The following PIDD1 variants were observed in gnomAD, a reference collection of about 807,000 sequenced individuals.
The protein encoded by PIDD1 is p53-induced death domain protein 1, also known as p53-induced death domain-containing protein 1.
A neutral mutation model predicts 80.0 loss-of-function variants in PIDD1; 72 were observed. That is an observed-to-expected ratio of 0.90 (90% CI 0.74 to 1.09). The LOEUF is 1.09. Among genes scored for constraint, PIDD1 ranks in the 50% least tolerant of loss-of-function variants. The pLI is 0.00. For synonymous variants in PIDD1, 655 were observed against 543.5 expected, an observed-to-expected ratio of 1.21 and a Z score of -2.85; for missense variants, 1,329 against 1,228.3, an observed-to-expected ratio of 1.08 and a Z score of -1.23.
chr11:800,963 G>A (rs1158313632), intron 10 of PIDD1, 22 bp downstream of exon 10: 6 of 1,569,240 alleles, frequency 3.8e-6, no homozygotes, highest in Non-Finnish European at 5.2e-6. Context: ...GAGGGGGGCT[G>A]AGAAAGCTGG....
chr11:809,097 T>A (rs145357680), upstream of PIDD1, among the ~76,000 whole-genome samples: 2 of 152,278 alleles, frequency 1.3e-5, no homozygotes, highest in African/African-American at 4.8e-5. Context: ...ACCTCCTGCG[T>A]CCTCGCACAA....
upstream of PIDD1, among the ~76,000 whole-genome samples, chr11:807,184 C>T (rs7118632): frequency 3.0e-3 from 385 of 130,412 alleles, 3 homozygotes; most frequent in Middle Eastern, 9.3e-3. Flanking sequence ...AGTGAGACTC[C>T]CTCTCAAAAA....
At chr11:808,813 G>C (rs1230957851), upstream of PIDD1, among the ~76,000 whole-genome samples, 1 of 152,234 alleles carries the variant, frequency 6.6e-6, no homozygotes, top group Admixed American at 6.5e-5. Context: ...TCTATAAAAT[G>C]GGGGTAATGA....
At chr11:802,143 GC>G in intron 6 of PIDD1, 51 bp downstream of exon 6, 9 of 1,560,484 alleles carry the variant, frequency 5.8e-6, no homozygotes, top group South Asian at 2.3e-5. Flanking sequence ...CCCGCACACT[GC>G]CCCTGCCATG....
chr11:807,200 A>AC (rs921135945), upstream of PIDD1, among the ~76,000 whole-genome samples: 3 of 151,240 alleles, frequency 2.0e-5, no homozygotes, highest in South Asian at 2.1e-4. Flanking sequence ...AAAAAAAAAA[A>AC]AAAAAACAGG....
At chr11:808,283 C>T (rs368297945), upstream of PIDD1, among the ~76,000 whole-genome samples, 46 of 151,982 alleles carry the variant, frequency 3.0e-4, no homozygotes, top group East Asian at 4.1e-3. Context: ...AAAAATTAGC[C>T]GGGCATGGTA....
upstream of PIDD1, among the ~76,000 whole-genome samples, chr11:808,468 C>T (rs1346935414): frequency 6.6e-6 from 1 of 152,154 alleles, no homozygotes; most frequent in Non-Finnish European, 1.5e-5. Flanking sequence ...GTAGCTCACG[C>T]CTGTAATCCC....
Position 803,368 on chromosome 11 carries a change from G to T in PIDD1, c.515C>A (p.Ala172Asp). Residue 172 changes from alanine to aspartate, a missense_variant, in exon 3 of 16, where the codon GCC becomes GAC. Coordinates refer to ENST00000347755, the MANE Select transcript of PIDD1 (RefSeq NM_145886.4). ...ELPEALGALP[A>D]LTFLTVTHNR... ...GTGTGTCACTGTGAGGAAGGTGAGG[G>T]CGGGGAGGGCCCCCAGAGCCTCAGG... 1 of 1,613,982 alleles carries T rather than the reference G, an allele frequency of 6.2e-7. No individual in the cohort carries two copies. The highest frequency in any genetic ancestry group is 1.6e-4 in the Middle Eastern group (1 of 6,062).
chr11:800,094 G>A lies in PIDD1; in HGVS notation c.2274+37C>T, dbSNP rs781297327. ...GTCACCCTGGTCACCCCTGGGCCTC[G>A]GTCCTGCCCCGCCCCTCTGCTGTCC... On this transcript the variant is annotated intron_variant, in intron 14 of 15. Transcript: ENST00000347755. 57 of 1,604,124 alleles carry A rather than the reference G, an allele frequency of 3.6e-5. No individual in the cohort carries two copies. The East Asian group carries it at 1.2e-3, about 33-fold the overall frequency.
upstream of PIDD1, chr11:805,306 C>T (rs1865710579): frequency 1.3e-6 from 1 of 751,464 alleles, no homozygotes. Flanking sequence ...CCTCGGGACG[C>T]GCCCCCTCCG....
upstream of PIDD1, among the ~76,000 whole-genome samples, chr11:808,397 A>G (rs546102548): frequency 2.0e-5 from 3 of 151,776 alleles, no homozygotes; most frequent in East Asian, 5.8e-4. Flanking sequence ...AGTGCACTCC[A>G]ACCTGGGGAA....
rs978463298 is a variant in PIDD1 at position 803,167 on chromosome 11, T to C, written c.709+7A>G. ...GGCCAGTGTGTCGGGGCGCAGGGGC[T>C]ACTCACCCAGAGAGGCTGGGAGGCT... On this transcript the variant is annotated splice_region_variant and intron_variant, in intron 3 of 15. Transcript: ENST00000347755. The C allele has an allele frequency of 5.0e-6, 8 of 1,587,048 alleles. No individual in the cohort carries two copies. The highest frequency in any genetic ancestry group is 6.9e-6 in the Non-Finnish European group (8 of 1,164,790).
chr11:801,329 G>C lies in PIDD1; in HGVS notation c.1519C>G (p.Leu507Val). The C allele has an allele frequency of 6.2e-7, 1 of 1,608,404 alleles. No individual in the cohort carries two copies. Among genetic ancestry groups the C allele is most frequent in the Non-Finnish European group, 8.5e-7 (1 of 1,177,540 alleles). Residue 507 changes from leucine to valine, a missense_variant, in exon 9 of 16, where the codon CTG (leucine) becomes GTG (valine). Coordinates refer to ENST00000347755, the MANE Select transcript of PIDD1 (RefSeq NM_145886.4). The stretch of plus-strand genomic sequence containing the variant: ...CTCACTGCAGCCTCTGGTTCTCCCA[G>C]GAGGGCCTGCAGCTCTCGGCCAGCC... ...RMAGRELQAL[L>V]GEPEAAVSPL... is the part of the protein sequence containing the mutation.
chr11:804,914 C>CT (rs1463751160), intron 1 of PIDD1: 1 of 153,812 alleles, frequency 6.5e-6, no homozygotes, highest in Non-Finnish European at 1.4e-5. Context: ...GGGTGAGGGC[C>CT]TGGGGCGTGA....
Position 803,315 on chromosome 11 carries a change from GTGCTGGGGGCAGCGTC to G in PIDD1, c.552_567del (p.Gln184HisfsTer82). On this transcript the variant is annotated frameshift_variant, in exon 3 of 16. Transcript: ENST00000347755. LOFTEE classifies it high-confidence loss of function. ...CGCTGCAGGGTGGATAGGGCCCCCA[GTGCTGGGGGCAGCGTC>G]TGCAGGCGGTTGTGTGTCACTGTGA... 1 of 1,613,972 alleles carries G rather than the reference GTGCTGGGGGCAGCGTC, an allele frequency of 6.2e-7. No homozygotes were observed. The highest frequency in any genetic ancestry group is 1.1e-5 in the South Asian group (1 of 91,088).
chr11:800,548 T>G lies in PIDD1; in HGVS notation c.2036A>C (p.Asp679Ala), dbSNP rs563857749. Residue 679 changes from aspartate (D) to alanine (A), a missense_variant, in exon 12 of 16, where the codon GAT becomes GCT. Coordinates refer to ENST00000347755, the MANE Select transcript of PIDD1 (RefSeq NM_145886.4). ...GCATCCACCAGCATCCCTACCAGCA[T>G]CCACGTCGATGCCGCGCTCGAAGGC... ...FAAFERGIDV[D>A]ADRPDCVEGR... The G allele has an allele frequency of 4.0e-6, 6 of 1,507,860 alleles. No homozygotes were observed. The highest frequency in any genetic ancestry group is 4.5e-6 in the Non-Finnish European group (5 of 1,104,054). The allele number at this position is 1,507,860 out of a possible 1,614,324, so 93.4% of individuals were successfully genotyped here.
In PIDD1 at chr11:800,227, G is replaced by C; in HGVS notation, c.2178C>G (p.Gly726=). The C allele has an allele frequency of 6.2e-6, 10 of 1,610,148 alleles. No homozygotes were observed. The highest frequency in any genetic ancestry group is 8.5e-6 in the Non-Finnish European group (10 of 1,178,732). Residue 726 remains glycine (G), a synonymous_variant, in exon 14 of 16, where the codon GGC becomes GGG. Coordinates refer to ENST00000347755, the MANE Select transcript of PIDD1 (RefSeq NM_145886.4). ...AVRGQVSFYR[G]AVPVRVPEEA... ...CCTCGGGCACCCGCACAGGCACCGC[G>C]CCACGGTAGAAGGACACCTGAAGGG...
upstream of PIDD1, among the ~76,000 whole-genome samples, chr11:808,515 G>C (rs1053407331): frequency 1.3e-5 from 2 of 152,316 alleles, no homozygotes; most frequent in Non-Finnish European, 2.9e-5. Context: ...GATCGCTTGA[G>C]CCCATGTTGG....
Position 802,042 on chromosome 11 carries a change from G to A in PIDD1, c.1225C>T (p.Arg409Cys), listed in dbSNP as rs372515243. ...TTCCGGGTCCTGACCACCACTTCAC[G>A]GCAGCGCCGGGCCTGCGGTGGGGTG... ...LFTPPQARRC[R>C]EVVVRTRNDN... Residue 409 changes from arginine (R) to cysteine (C), a missense_variant, in exon 7 of 16, where the codon CGT becomes TGT. Transcript: ENST00000347755. 1.0e-4 allele frequency: 164 copies of A among 1,591,008 alleles called. No individual in the cohort carries two copies. The highest frequency in any genetic ancestry group is 1.3e-4 in the Non-Finnish European group (149 of 1,169,512).
Sources: gnomAD v4.1 joint callset for allele counts (sites outside exome capture counted in the v4.1 genomes callset) on GRCh38, gnomAD v4.1.1 for gene constraint, MANE v1.5 for transcripts, NCBI Gene and HGNC (gene_info 2026-07-23, HGNC 2026-07-21) for gene names.